Variants in ZNF98 observed in about 807,000 individuals in gnomAD.
ZNF98 encodes zinc finger protein 739.
A neutral mutation model predicts 12.8 loss-of-function variants in ZNF98; 8 were observed. That is an observed-to-expected ratio of 0.63 (90% CI 0.37 to 1.13). The LOEUF (loss-of-function observed/expected upper bound fraction) is 1.13, where lower values mean the gene tolerates loss of function less well. ZNF98 is among the 50% of genes most tolerant of loss of function. ZNF98 has a pLI of 0.01. For missense variants in ZNF98, 379 were observed against 666.1 expected, an observed-to-expected ratio of 0.57 and a Z score of 4.74; for synonymous variants, 112 against 223.5, an observed-to-expected ratio of 0.50 and a Z score of 4.45.
At chr19:22,410,761 T>C (rs1969572299) in intron 1 of ZNF98, among the ~76,000 whole-genome samples, 1 of 152,218 alleles carries the variant, frequency 6.6e-6, no homozygotes, top group South Asian at 2.1e-4. Flanking sequence ...TCACTCTATG[T>C]AATGTGATTC....
intron 1 of ZNF98, among the ~76,000 whole-genome samples, chr19:22,421,428 C>T (rs1969702319): frequency 6.6e-6 from 1 of 152,122 alleles, no homozygotes; most frequent in African/African-American, 2.4e-5. Flanking sequence ...TCCCACGTGG[C>T]GGCAAATAGA....
intron 1 of ZNF98, among the ~76,000 whole-genome samples, chr19:22,412,488 C>G (rs1300018596): frequency 6.6e-6 from 1 of 151,976 alleles, no homozygotes; most frequent in Non-Finnish European, 1.5e-5. Flanking sequence ...AGTTTAACAA[C>G]CTGACATCAT....
At chr19:22,409,913 CAAAAAAAAAAAAA>C (rs71180546) in intron 1 of ZNF98, among the ~76,000 whole-genome samples, 1 of 89,432 alleles carries the variant, frequency 1.1e-5, no homozygotes, top group African/African-American at 4.4e-5. Context: ...CTCTATCTCA[CAAAAAAAAAAAAA>C]AAAAAAAAAA....
intron 1 of ZNF98, among the ~76,000 whole-genome samples, chr19:22,416,513 C>T (rs1461695288): frequency 8.6e-5 from 13 of 151,916 alleles, no homozygotes; most frequent in Non-Finnish European, 1.2e-4. Flanking sequence ...CAGTGGCTCA[C>T]GCCTGTAATC....
At position 22,391,655 on chromosome 19, in the gene ZNF98, A is replaced by G. The variant is rs1302202045; in HGVS notation, c.1580T>C (p.Phe527Ser). The G allele has an allele frequency of 6.2e-7, 1 of 1,613,786 alleles. No homozygotes were observed. The highest frequency in any genetic ancestry group is 1.3e-5 in the African/African-American group (1 of 74,934). ...TCTGTTAAGAATAGAGGAGTTGTTA[A>G]AGGCTTTGCCGCATTCTTCACACTT... ...PYKCEECGKAFNNSSILNRHK... is the reference protein window; with the variant it reads ...PYKCEECGKASNNSSILNRHK... Residue 527 changes from phenylalanine to serine, a missense_variant, in exon 4 of 4, where the codon TTT becomes TCT. By Grantham distance (155) the Phe-to-Ser change is radical (BLOSUM62 -2). This residue lies in a region of ZNF98 where 59 missense variants were observed against 50.3 expected (regional missense o/e 1.17). Transcript: ENST00000357774.
At chr19:22,393,168 AGTT>A (rs1362686908) in intron 3 of ZNF98, among the ~76,000 whole-genome samples, 187 bp from the exon 4 acceptor site, 1 of 152,198 alleles carries the variant, frequency 6.6e-6, no homozygotes, top group Non-Finnish European at 1.5e-5. Flanking sequence ...AATTAAAGTA[AGTT>A]AAGTGTGTGC....
intron 1 of ZNF98, among the ~76,000 whole-genome samples, chr19:22,408,001 G>A (rs1969541032): frequency 6.6e-6 from 1 of 152,040 alleles, no homozygotes; most frequent in Admixed American, 6.6e-5. Context: ...AACCCAGGAG[G>A]CAGAGGTTGC....
At chr19:22,418,371 T>C (rs1428935959) in intron 1 of ZNF98, among the ~76,000 whole-genome samples, 3 of 152,034 alleles carry the variant, frequency 2.0e-5, no homozygotes, top group Admixed American at 6.6e-5. Context: ...ATGTAAGAAA[T>C]GTATAAGACA....
At chr19:22,407,151 G>A (rs1969528754) in intron 1 of ZNF98, among the ~76,000 whole-genome samples, 1 of 151,786 alleles carries the variant, frequency 6.6e-6, no homozygotes, top group Admixed American at 6.6e-5. Context: ...CCGCCTCCTG[G>A]GTTCAAGCGA....
At chr19:22,421,333 CAG>C (rs1239244733) in intron 1 of ZNF98, among the ~76,000 whole-genome samples, 1 of 151,988 alleles carries the variant, frequency 6.6e-6, no homozygotes. Flanking sequence ...TACTGCAAGC[CAG>C]AGTTAGGCTG....
chr19:22,398,605 T>C (rs1207139202), intron 3 of ZNF98, among the ~76,000 whole-genome samples: 2 of 152,128 alleles, frequency 1.3e-5, no homozygotes, highest in African/African-American at 4.8e-5. Context: ...TCTTCCTGCC[T>C]TGGCCTCCCA....
At chr19:22,406,826 A>G (rs1969525354) in intron 1 of ZNF98, among the ~76,000 whole-genome samples, 1 of 146,262 alleles carries the variant, frequency 6.8e-6, no homozygotes, top group African/African-American at 2.5e-5. Context: ...CAAAAAAAAA[A>G]GAAAAAAGAA....
intron 3 of ZNF98, among the ~76,000 whole-genome samples, chr19:22,396,965 A>G (rs2145109332): frequency 6.6e-6 from 1 of 152,124 alleles, no homozygotes; most frequent in African/African-American, 2.4e-5. Flanking sequence ...CTAAAAATAC[A>G]AAAATTAGCC....
Position 22,399,637 on chromosome 19 carries a change from C to G in ZNF98, c.253+3152G>C, listed in dbSNP as rs572717739. On this transcript the variant is annotated intron_variant, in intron 3 of 3. Transcript: ENST00000357774. Reference sequence around the variant, plus strand: ...TCTGTCTACTAATTATCTAATTCACCTCAGACATAACATGTCAATTTTAGT... The same window carrying G: ...TCTGTCTACTAATTATCTAATTCACGTCAGACATAACATGTCAATTTTAGT... Among the ~76,000 whole-genome samples, 55 of 152,136 alleles carry G rather than the reference C, an allele frequency of 3.6e-4. No homozygotes were observed. The South Asian group carries it at 0.011, about 30-fold the overall frequency.
intron 1 of ZNF98, among the ~76,000 whole-genome samples, chr19:22,410,542 T>C (rs1038200939): frequency 6.6e-6 from 1 of 152,086 alleles, no homozygotes; most frequent in Non-Finnish European, 1.5e-5. Context: ...TAAGTGGTAG[T>C]TGAACAATGA....
At chr19:22,407,607 G>A (rs1290825072) in intron 1 of ZNF98, among the ~76,000 whole-genome samples, 3 of 151,590 alleles carry the variant, frequency 2.0e-5, no homozygotes, top group South Asian at 4.2e-4. Flanking sequence ...AGCTACTCAG[G>A]AGGCTGAGGC....
chr19:22,400,640 C>A (rs1969445405), intron 3 of ZNF98, among the ~76,000 whole-genome samples: 1 of 151,842 alleles, frequency 6.6e-6, no homozygotes. Flanking sequence ...AAGATCTTCA[C>A]TTTCTGAAAC....
chr19:22,420,950 TTTTC>T (rs1969697307), intron 1 of ZNF98, among the ~76,000 whole-genome samples: 1 of 152,198 alleles, frequency 6.6e-6, no homozygotes, highest in South Asian at 2.1e-4. Context: ...AAACATATCT[TTTTC>T]TTTTTCTTTT....
rs1317530367 is a variant in ZNF98 at position 22,398,401 on chromosome 19, C to CT, written c.253+4387dup. ...AGTGTTTTTGAGTCAGGGTCTCACT[C>CT]TGTCACCCAAGCTGGGGTGCATGGC... On this transcript the variant is annotated intron_variant, in intron 3 of 3. Transcript: ENST00000357774. 5.9e-5 allele frequency among the ~76,000 whole-genome samples: 9 copies of CT among 151,516 alleles called. No individual in the cohort carries two copies. In the Admixed American group the frequency reaches 6.0e-4, roughly 10 times the overall value.
Sources: allele counts gnomAD v4.1 joint callset (sites outside exome capture counted in the v4.1 genomes callset), GRCh38; gene constraint gnomAD v4.1.1; regional missense constraint gnomAD v4.1.1; transcripts MANE v1.5; gene names NCBI Gene and HGNC (gene_info 2026-07-23, HGNC 2026-07-21).